EPB41L4A: variants seen among roughly 807,000 people sequenced by gnomAD.
EPB41L4A encodes erythrocyte membrane protein band 4.1 like 4A.
In EPB41L4A, 100 loss-of-function variants were observed where a neutral mutation model predicts 108.6. That is an observed-to-expected ratio of 0.92 (90% CI 0.78 to 1.09). The LOEUF is 1.09. EPB41L4A is among the 50% of genes least tolerant of loss of function. EPB41L4A has a pLI of 0.00. For synonymous variants in EPB41L4A, 319 were observed against 289.0 expected, an observed-to-expected ratio of 1.10 and a Z score of -1.05; for missense variants, 1,030 against 842.7, an observed-to-expected ratio of 1.22 and a Z score of -2.75.
intron 18 of EPB41L4A, among the ~76,000 whole-genome samples, chr5:112,179,020 G>A (rs897094420): frequency 4.0e-5 from 6 of 151,872 alleles, no homozygotes; most frequent in African/African-American, 1.4e-4. Context: ...AGGAATTAAA[G>A]TGGTGATATC....
intron 17 of EPB41L4A, among the ~76,000 whole-genome samples, chr5:112,187,729 GCTC>G (rs1375448593): frequency 2.0e-5 from 3 of 152,028 alleles, no homozygotes; most frequent in African/African-American, 7.3e-5. Context: ...TAGCAGTTTT[GCTC>G]CTAACAGAAC....
intron 1 of EPB41L4A, among the ~76,000 whole-genome samples, chr5:112,339,523 T>G (rs1431946031): frequency 1.8e-5 from 1 of 56,972 alleles, no homozygotes; most frequent in Non-Finnish European, 3.1e-5. Context: ...TATATAGATA[T>G]ATATCTATAT....
At chr5:112,250,694 A>G (rs957475902) in intron 9 of EPB41L4A, 10 of 152,344 alleles carry the variant, frequency 6.6e-5, no homozygotes, top group African/African-American at 2.4e-4. Flanking sequence ...CAGTAAGTGA[A>G]GCAAAGGAAA....
At chr5:112,190,600 G>T (rs747613579) in intron 17 of EPB41L4A, among the ~76,000 whole-genome samples, 4 of 152,184 alleles carry the variant, frequency 2.6e-5, no homozygotes, top group Non-Finnish European at 5.9e-5. Flanking sequence ...CTGGAAGTGG[G>T]TATAGGACTA....
At chr5:112,336,376 G>A (rs140971268) in intron 1 of EPB41L4A, among the ~76,000 whole-genome samples, 57 of 152,208 alleles carry the variant, frequency 3.7e-4, no homozygotes, top group African/African-American at 1.2e-3. Context: ...GGTTGGGGGC[G>A]GGAGTTCAAT....
chr5:112,231,071 A>G (rs1193314607), intron 12 of EPB41L4A, among the ~76,000 whole-genome samples: 2 of 152,248 alleles, frequency 1.3e-5, no homozygotes, highest in African/African-American at 4.8e-5. Context: ...ATAAATAGTC[A>G]TGAATGCTTA....
intron 1 of EPB41L4A, among the ~76,000 whole-genome samples, chr5:112,346,359 G>A (rs1164946352): frequency 4.0e-5 from 6 of 151,142 alleles, no homozygotes; most frequent in East Asian, 1.9e-4. Context: ...CTGTAGCTGC[G>A]ATTACAGGCA....
chr5:112,237,965 T>C (rs750938694), intron 11 of EPB41L4A, among the ~76,000 whole-genome samples: 4 of 152,218 alleles, frequency 2.6e-5, no homozygotes, highest in Non-Finnish European at 5.9e-5. Flanking sequence ...GAAGAAATGA[T>C]ACTTAATATG....
intron 9 of EPB41L4A, among the ~76,000 whole-genome samples, chr5:112,253,194 T>C (rs769473838): frequency 7.2e-5 from 11 of 152,142 alleles, no homozygotes; most frequent in Admixed American, 1.3e-4. Context: ...CAGGCAACAC[T>C]GTAATGAGTG....
chr5:112,265,080 A>C, intron 5 of EPB41L4A, 64 bp from the exon 6 acceptor site: 1 of 1,349,924 alleles, frequency 7.4e-7, no homozygotes, highest in South Asian at 1.6e-5. Flanking sequence ...ACATAGAAAT[A>C]AAATATTCCT....
chr5:112,366,327 T>C (rs1461814282), intron 1 of EPB41L4A, among the ~76,000 whole-genome samples: 1 of 151,276 alleles, frequency 6.6e-6, no homozygotes, highest in Non-Finnish European at 1.5e-5. Context: ...GAAAAGTATA[T>C]AGTCAGGTCC....
chr5:112,192,775 A>C (rs896124672), intron 17 of EPB41L4A, among the ~76,000 whole-genome samples: 7 of 152,322 alleles, frequency 4.6e-5, no homozygotes, highest in African/African-American at 9.6e-5. Context: ...TGGCTCCCCC[A>C]AAAATGTTTT....
chr5:112,178,202 T>C (rs891365276), intron 18 of EPB41L4A, among the ~76,000 whole-genome samples: 4 of 152,144 alleles, frequency 2.6e-5, no homozygotes, highest in African/African-American at 4.8e-5. Context: ...GCATGTGTAG[T>C]GGACACAGAG....
intron 2 of EPB41L4A, among the ~76,000 whole-genome samples, chr5:112,289,794 G>A (rs867598979): frequency 2.0e-5 from 3 of 152,180 alleles, no homozygotes; most frequent in Non-Finnish European, 4.4e-5. Flanking sequence ...ACATGAGCGG[G>A]CCCTCCCAAG....
intron 1 of EPB41L4A, among the ~76,000 whole-genome samples, chr5:112,354,628 G>C (rs906332069): frequency 2.0e-5 from 3 of 152,132 alleles, no homozygotes; most frequent in Non-Finnish European, 4.4e-5. Context: ...ATGTTTTTCT[G>C]TGTTTCCCCA....
At chr5:112,273,624 T>C (rs1387394337) in intron 4 of EPB41L4A, among the ~76,000 whole-genome samples, 1 of 152,204 alleles carries the variant, frequency 6.6e-6, no homozygotes, top group Non-Finnish European at 1.5e-5. Flanking sequence ...TTATTCCATT[T>C]AATGCTTACA....
intron 2 of EPB41L4A, among the ~76,000 whole-genome samples, chr5:112,282,395 C>G (rs896863588): frequency 2.0e-5 from 3 of 152,198 alleles, no homozygotes; most frequent in Admixed American, 1.3e-4. Context: ...CCAAGGAAAA[C>G]AAACGCAAAT....
At chr5:112,380,685 T>C (rs1760114635) in intron 1 of EPB41L4A, among the ~76,000 whole-genome samples, 1 of 152,034 alleles carries the variant, frequency 6.6e-6, no homozygotes, top group Admixed American at 6.6e-5. Context: ...AGTCTCTGAT[T>C]ATATATTACA....
chr5:112,239,527 T>C (rs1029621923), intron 11 of EPB41L4A, 133 bp downstream of exon 11: 11 of 502,204 alleles, frequency 2.2e-5, no homozygotes, highest in African/African-American at 2.0e-4. Context: ...AATAAACTGT[T>C]ATGCTTACAA....
Sources: allele counts gnomAD v4.1 joint callset (sites outside exome capture counted in the v4.1 genomes callset), GRCh38; gene constraint gnomAD v4.1.1; transcripts MANE v1.5; gene names NCBI Gene and HGNC (gene_info 2026-07-23, HGNC 2026-07-21).